ASTN2: variants seen among roughly 807,000 people sequenced by gnomAD.
ASTN2 encodes the protein astrotactin 2, also known as astrotactin-2.
ASTN2 carries 54 observed loss-of-function variants against 139.8 expected under a neutral mutation model. That is an observed-to-expected ratio of 0.39 (90% CI 0.31 to 0.48). The LOEUF is 0.48. Among genes scored for constraint, ASTN2 ranks in the 20% least tolerant of loss-of-function variants. The pLI is 0.95. For synonymous variants in ASTN2, 756 were observed against 719.5 expected (o/e 1.05, Z -0.81); for missense variants, 1,565 against 1,725.1 (o/e 0.91, Z 1.64).
At chr9:117,412,742 T>G (rs1282391087) in intron 1 of ASTN2, among the ~76,000 whole-genome samples, 1 of 151,968 alleles carries the variant, frequency 6.6e-6, no homozygotes, top group East Asian at 1.9e-4. Flanking sequence ...ATCTAAAGGA[T>G]GAAGGGAGAA....
intron 21 of ASTN2, among the ~76,000 whole-genome samples, chr9:116,441,978 T>G (rs1847853467): frequency 6.6e-6 from 1 of 152,238 alleles, no homozygotes; most frequent in Non-Finnish European, 1.5e-5. Flanking sequence ...CTAAGGATTC[T>G]GAGACCACCA....
At chr9:116,879,658 T>A (rs1206798142) in intron 10 of ASTN2, among the ~76,000 whole-genome samples, 7 of 152,198 alleles carry the variant, frequency 4.6e-5, no homozygotes, top group Non-Finnish European at 1.0e-4. Context: ...TCTGGAACAC[T>A]GTGCAGGCAA....
chr9:117,098,039 T>TGTCTTCA (rs1224350277), intron 4 of ASTN2, among the ~76,000 whole-genome samples: 1 of 152,206 alleles, frequency 6.6e-6, no homozygotes, highest in Admixed American at 6.5e-5. Flanking sequence ...GTTACTTGCA[T>TGTCTTCA]AGTCACACAG....
chr9:117,106,601 T>A (rs1469497934), intron 4 of ASTN2, among the ~76,000 whole-genome samples: 1 of 152,224 alleles, frequency 6.6e-6, no homozygotes, highest in Non-Finnish European at 1.5e-5. Context: ...AGAAATGTTT[T>A]CAAAAATAAG....
chr9:116,480,824 G>A (rs186178230), intron 20 of ASTN2, among the ~76,000 whole-genome samples: 9 of 152,314 alleles, frequency 5.9e-5, no homozygotes, highest in Admixed American at 2.0e-4. Context: ...TGCCTGCAGA[G>A]TGGTGGGTAG....
intron 19 of ASTN2, among the ~76,000 whole-genome samples, chr9:116,616,305 G>C (rs375916107): frequency 6.6e-6 from 1 of 152,172 alleles, no homozygotes; most frequent in African/African-American, 2.4e-5. Context: ...GGTACTCCAA[G>C]GCAAGGAATG....
rs1247830644 is a variant in ASTN2 at position 116,917,791 on chromosome 9, A to G, written c.1890-54058T>C. 2.0e-5 allele frequency among the ~76,000 whole-genome samples: 3 copies of G among 152,290 alleles called. No individual in the cohort carries two copies. In the East Asian group the frequency reaches 5.8e-4, roughly 29 times the overall value. Reference sequence around the variant, plus strand: ...AAATTATTCTGAGCACCTTCTATGGATCTGGTACTGTGTTAGGCCCTGGGA... The same window carrying G: ...AAATTATTCTGAGCACCTTCTATGGGTCTGGTACTGTGTTAGGCCCTGGGA... On this transcript the variant is annotated intron_variant, in intron 10 of 22. Coordinates refer to ENST00000313400, the MANE Select transcript of ASTN2 (RefSeq NM_001365068.1).
At chr9:116,896,561 C>T (rs983944072) in intron 10 of ASTN2, among the ~76,000 whole-genome samples, 7 of 152,220 alleles carry the variant, frequency 4.6e-5, no homozygotes, top group Non-Finnish European at 4.4e-5. Context: ...TCAGGTGATC[C>T]GCCTGCCTCA....
intron 11 of ASTN2, among the ~76,000 whole-genome samples, chr9:116,840,667 GGTTGCCAGGCAGAGGGTC>G (rs1832214335): frequency 1.1e-5 from 1 of 90,482 alleles, no homozygotes; most frequent in Non-Finnish European, 2.7e-5. Flanking sequence ...CAGACGGGGC[GGTTGCCAGGCAGAGGGTC>G]TCCTCACTTC....
At chr9:117,235,302 T>G (rs1564495995) in intron 2 of ASTN2, among the ~76,000 whole-genome samples, 1 of 152,046 alleles carries the variant, frequency 6.6e-6, no homozygotes, top group Non-Finnish European at 1.5e-5. Context: ...TGCATGTCAT[T>G]TATTGGTATT....
At chr9:116,847,913 A>G (rs1019296736) in intron 11 of ASTN2, among the ~76,000 whole-genome samples, 4 of 152,220 alleles carry the variant, frequency 2.6e-5, no homozygotes, top group African/African-American at 9.6e-5. Flanking sequence ...TCCCAAGATC[A>G]TACAGTGATT....
chr9:116,874,611 T>C (rs1402618980), intron 10 of ASTN2, among the ~76,000 whole-genome samples: 4 of 152,210 alleles, frequency 2.6e-5, no homozygotes, highest in South Asian at 2.1e-4. Context: ...AAGTCTCTTA[T>C]CACCAGGCTC....
chr9:116,644,204 T>C (rs1450905473), intron 17 of ASTN2, among the ~76,000 whole-genome samples: 1 of 152,182 alleles, frequency 6.6e-6, no homozygotes, highest in Admixed American at 6.5e-5. Flanking sequence ...TTTGGAATTC[T>C]CTTCTCAGTT....
chr9:117,407,060 GCT>G (rs1564188698), intron 1 of ASTN2, among the ~76,000 whole-genome samples: 2 of 152,162 alleles, frequency 1.3e-5, no homozygotes, highest in Non-Finnish European at 2.9e-5. Flanking sequence ...GGGCACCAAG[GCT>G]CAGAGTGTTC....
chr9:117,069,637 G>A (rs1828054866), intron 5 of ASTN2, among the ~76,000 whole-genome samples: 1 of 36,102 alleles, frequency 2.8e-5, no homozygotes, highest in African/African-American at 1.3e-4. Context: ...TTATTGTGTG[G>A]GAGTCTAAGT....
In ASTN2 at chr9:116,884,577, C is replaced by G. The variant is rs115126167; in HGVS notation, c.1890-20844G>C. Among the ~76,000 whole-genome samples the G allele has an allele frequency of 3.6e-3, 542 of 151,658 alleles. 2 individuals are homozygous for G. Among genetic ancestry groups the G allele is most frequent in the African/African-American group, 0.013 (527 of 41,446 alleles). ...ATACCAGAGGAATCTCTTGATTCCT[C>G]TGGGGAATCTCTTGAACCCCAGACG... On this transcript the variant is annotated intron_variant, in intron 10 of 22. Coordinates refer to ENST00000313400, the MANE Select transcript of ASTN2 (RefSeq NM_001365068.1).
chr9:116,579,127 C>T (rs1441597831), intron 19 of ASTN2: 1 of 152,086 alleles, frequency 6.6e-6, no homozygotes, highest in African/African-American at 2.4e-5. Flanking sequence ...TGACTACACC[C>T]ACTAACTCAT....
intron 1 of ASTN2, among the ~76,000 whole-genome samples, chr9:117,408,603 C>T (rs970275918): frequency 1.3e-5 from 2 of 152,182 alleles, no homozygotes; most frequent in African/African-American, 4.8e-5. Flanking sequence ...TCCTGCTGCA[C>T]CTGCTACAAA....
chr9:117,274,356 A>T (rs2133130324), intron 2 of ASTN2, among the ~76,000 whole-genome samples: 1 of 152,244 alleles, frequency 6.6e-6, no homozygotes, highest in East Asian at 1.9e-4. Context: ...TCTCAAAAAA[A>T]AATAGTCTGG....
Sources: allele counts gnomAD v4.1 joint callset (sites outside exome capture counted in the v4.1 genomes callset), GRCh38; gene constraint gnomAD v4.1.1; transcripts MANE v1.5; gene names NCBI Gene and HGNC (gene_info 2026-07-23, HGNC 2026-07-21).